PLCG2: variants seen among roughly 807,000 people sequenced by gnomAD.
PLCG2 encodes the protein 1-phosphatidylinositol 4,5-bisphosphate phosphodiesterase gamma-2.
PLCG2 carries 69 observed loss-of-function variants against 175.6 expected under a neutral mutation model. That is an observed-to-expected ratio of 0.39 (90% confidence interval 0.32 to 0.48). The LOEUF is 0.48. Among genes scored for constraint, PLCG2 ranks in the 20% least tolerant of loss-of-function variants. The pLI, the probability that PLCG2 is intolerant of heterozygous loss-of-function variation, is 0.91. For missense variants in PLCG2, 1,798 were observed against 1,650.9 expected (o/e 1.09, Z -1.54); for synonymous variants, 827 against 624.0 (o/e 1.33, Z -4.85).
chr16:81,935,965 G>T (rs1331078150), intron 26 of PLCG2: 1 of 984,774 alleles, frequency 1.0e-6, no homozygotes, highest in Non-Finnish European at 1.2e-6. Flanking sequence ...GGAAAACTAG[G>T]CCCCTTTTTA....
chr16:81,877,853 A>G (rs1282041740), intron 7 of PLCG2, among the ~76,000 whole-genome samples: 6 of 149,946 alleles, frequency 4.0e-5, no homozygotes, highest in African/African-American at 1.2e-4. Context: ...TGGCTTGTAG[A>G]TGTCATTGCA....
chr16:81,881,952 A>G (rs1268743759), intron 8 of PLCG2, among the ~76,000 whole-genome samples: 1 of 152,120 alleles, frequency 6.6e-6, no homozygotes, highest in Non-Finnish European at 1.5e-5. Flanking sequence ...GTGCCCAGCC[A>G]TAATTTCTAT....
intron 9 of PLCG2, among the ~76,000 whole-genome samples, chr16:81,884,072 C>T (rs1026995831): frequency 3.3e-5 from 5 of 152,148 alleles, no homozygotes; most frequent in South Asian, 4.1e-4. Context: ...TATTCAGGGC[C>T]GGGTAGGGTG....
intron 27 of PLCG2, 87 bp downstream of exon 27, chr16:81,936,465 T>C: frequency 3.9e-6 from 4 of 1,024,638 alleles, no homozygotes; most frequent in South Asian, 1.3e-5. Flanking sequence ...AGCGATACCA[T>C]GTGGTGTCCA....
At chr16:81,759,845 G>C (rs1444921800) in intron 2 of PLCG2, among the ~76,000 whole-genome samples, 1 of 152,190 alleles carries the variant, frequency 6.6e-6, no homozygotes, top group African/African-American at 2.4e-5. Context: ...ATACAATGTA[G>C]GCCGGGCGTG....
In PLCG2 at chr16:81,961,229, C is replaced by T. The variant is rs571868766; in HGVS notation, c.*3231C>T. ...AAAGCTTCCGTTCCCATTGATGTAT[C>T]TGTGTGAACAAGGATCAACATCTCC... On this transcript the variant is annotated 3_prime_UTR_variant, in exon 33 of 33. Transcript: ENST00000564138. 9 of 225,984 alleles carry T rather than the reference C, an allele frequency of 4.0e-5. No individual in the cohort carries two copies. The South Asian group carries it at 7.3e-4, about 18-fold the overall frequency. The allele number at this position is 225,984 out of a possible 1,614,324, so 14.0% of individuals were successfully genotyped here.
At chr16:81,746,371 G>A (rs1409154466) in intron 1 of PLCG2, among the ~76,000 whole-genome samples, 1 of 152,188 alleles carries the variant, frequency 6.6e-6, no homozygotes, top group African/African-American at 2.4e-5. Flanking sequence ...GGGCGGAAAC[G>A]GAAGCATGGC....
chr16:81,934,465 A>G lies in PLCG2; in HGVS notation c.2776A>G (p.Ile926Val). The change falls in exon 26 of 33, where the codon ATC (isoleucine) becomes GTC (valine). Residue 926 changes from isoleucine (I) to valine (V), a missense_variant. Ile to Val is a conservative substitution (Grantham distance 29, BLOSUM62 3). Coordinates refer to ENST00000564138, the MANE Select transcript of PLCG2 (RefSeq NM_002661.5). ...NMKYWEKNQSIAIELSDLVVY... is the reference protein window; with the variant it reads ...NMKYWEKNQSVAIELSDLVVY... The stretch of plus-strand genomic sequence containing the variant: ...GAAGTACTGGGAGAAGAACCAGTCC[A>G]TCGCCATCGAGCTCTCTGACCTGGT... 3 of 1,613,716 alleles carry G rather than the reference A, an allele frequency of 1.9e-6. No homozygotes were observed. The highest frequency in any genetic ancestry group is 2.5e-6 in the Non-Finnish European group (3 of 1,179,704).
At chr16:81,840,120 C>G (rs1259634339) in intron 2 of PLCG2, among the ~76,000 whole-genome samples, 1 of 152,226 alleles carries the variant, frequency 6.6e-6, no homozygotes, top group Non-Finnish European at 1.5e-5. Context: ...GCACATAAAG[C>G]TCCTCATTTT....
At chr16:81,791,669 A>T (rs1052900930) in intron 2 of PLCG2, among the ~76,000 whole-genome samples, 1 of 152,078 alleles carries the variant, frequency 6.6e-6, no homozygotes, top group African/African-American at 2.4e-5. Context: ...GGTTCAAGCT[A>T]TTCTCCCACC....
rs570309323 is a variant in PLCG2 at position 81,917,128 on chromosome 16, G to A, written c.2055-2356G>A. Among the ~76,000 whole-genome samples the A allele has an allele frequency of 5.9e-5, 9 of 152,064 alleles. No individual in the cohort carries two copies. The South Asian group carries it at 6.2e-4, about 11-fold the overall frequency. On this transcript the variant is annotated intron_variant, in intron 19 of 32. Transcript: ENST00000564138. ...GAGTTTAAACCTTTTTAGGTTTCACGTATGAGATCCTGTGGTATTTGTTTT... is the reference window on the plus strand; with the variant it reads ...GAGTTTAAACCTTTTTAGGTTTCACATATGAGATCCTGTGGTATTTGTTTT...
At chr16:81,791,490 G>T (rs1911229281) in intron 2 of PLCG2, among the ~76,000 whole-genome samples, 1 of 152,194 alleles carries the variant, frequency 6.6e-6, no homozygotes, top group Admixed American at 6.5e-5. Context: ...CACCTCGCCT[G>T]GAAGGTTCCA....
intron 13 of PLCG2, among the ~76,000 whole-genome samples, chr16:81,899,291 C>T (rs4889434): frequency 0.47 from 48,604 of 103,918 alleles, 8,956 homozygotes; most frequent in East Asian, 0.73. Context: ...TATATATATA[C>T]ACACACACAC....
intron 9 of PLCG2, 122 bp downstream of exon 9, chr16:81,883,463 C>A: frequency 1.4e-6 from 1 of 703,382 alleles, no homozygotes; most frequent in Non-Finnish European, 2.5e-6. Context: ...CCTGTGCTCA[C>A]CTGGCCACCT....
intron 10 of PLCG2, among the ~76,000 whole-genome samples, chr16:81,890,829 C>T (rs1341204795): frequency 1.3e-5 from 2 of 152,094 alleles, no homozygotes; most frequent in African/African-American, 2.4e-5. Context: ...TAAGTTGGGT[C>T]GTGGGTTCAC....
chr16:81,752,058 T>C (rs942647536), intron 1 of PLCG2, among the ~76,000 whole-genome samples: 2 of 151,190 alleles, frequency 1.3e-5, no homozygotes, highest in Non-Finnish European at 1.5e-5. Context: ...TATATGTATA[T>C]AATATATATA....
intron 5 of PLCG2, among the ~76,000 whole-genome samples, chr16:81,862,966 C>G (rs1344785794): frequency 1.3e-5 from 2 of 152,112 alleles, no homozygotes; most frequent in African/African-American, 2.4e-5. Flanking sequence ...TCTTCCCTTC[C>G]CCACCCTGAC....
At chr16:81,820,577 C>G (rs1904751249) in intron 2 of PLCG2, among the ~76,000 whole-genome samples, 1 of 152,066 alleles carries the variant, frequency 6.6e-6, no homozygotes, top group African/African-American at 2.4e-5. Flanking sequence ...CATGGGAGAT[C>G]TTGGGCATAT....
chr16:81,928,531 C>T (rs199548839), intron 23 of PLCG2, 27 bp from the exon 24 acceptor site: 51 of 1,460,112 alleles, frequency 3.5e-5, no homozygotes, highest in African/African-American at 1.8e-4. Flanking sequence ...TTACAACTAA[C>T]GTGAGTTATG....
Sources: allele counts gnomAD v4.1 joint callset (sites outside exome capture counted in the v4.1 genomes callset), GRCh38; gene constraint gnomAD v4.1.1; transcripts MANE v1.5; gene names NCBI Gene and HGNC (gene_info 2026-07-23, HGNC 2026-07-21).